Variants in TUBGCP5 observed in about 807,000 individuals in gnomAD.
TUBGCP5 encodes gamma-tubulin complex component 5.
TUBGCP5 carries 98 observed loss-of-function variants against 134.7 expected under a neutral mutation model. The observed-to-expected ratio is 0.73, with a 90% CI of 0.62 to 0.86. TUBGCP5 has a LOEUF of 0.86. Among genes scored for constraint, TUBGCP5 ranks in the 40% least tolerant of loss-of-function variants. The pLI, the probability that TUBGCP5 is intolerant of heterozygous loss-of-function variation, is 0.00. For missense variants in TUBGCP5, 1,150 were observed against 1,244.8 expected (o/e 0.92, Z 1.15); for synonymous variants, 456 against 431.4 (o/e 1.06, Z -0.71).
chr15:23,031,974 G>A lies in TUBGCP5; in HGVS notation c.462C>T (p.Asp154=). 6.2e-7 allele frequency: 1 copy of A among 1,612,378 alleles called. No homozygotes were observed. The highest frequency in any genetic ancestry group is 2.2e-5 in the East Asian group (1 of 44,842). Residue 154 remains aspartate (D), a synonymous_variant, in exon 5 of 23, where the codon GAC becomes GAT. Transcript: ENST00000615383. ...GKYLMEDEEM[D]IGPYMDTPNW... Reference sequence around the variant, plus strand: ...CTGGTGTGTCCATGTACGGACCAATGTCCATTTCTTCATCTTCCATCAAGT... The same window carrying A: ...CTGGTGTGTCCATGTACGGACCAATATCCATTTCTTCATCTTCCATCAAGT...
intron 11 of TUBGCP5, among the ~76,000 whole-genome samples, chr15:23,021,524 G>A (rs1396866615): frequency 6.6e-6 from 1 of 151,946 alleles, no homozygotes; most frequent in Non-Finnish European, 1.5e-5. Flanking sequence ...CATTCATATC[G>A]TTGTGACAAA....
Position 22,986,458 on chromosome 15 carries a change from C to T in TUBGCP5, c.*62-2847G>A, listed in dbSNP as rs555018896. 4.6e-5 allele frequency among the ~76,000 whole-genome samples: 7 copies of T among 152,154 alleles called. No individual in the cohort carries two copies. The South Asian group carries it at 6.2e-4, about 14-fold the overall frequency. The stretch of plus-strand genomic sequence containing the variant: ...CTGGTGACAGAAGTCAGAAATTGGC[C>T]GGGCGTGGTGGTTCACCCCTGTAAT... On this transcript the variant is annotated intron_variant and NMD_transcript_variant, in intron 23 of 23. Transcript: ENST00000614508.
At chr15:23,030,590 C>A (rs1177090303) in intron 6 of TUBGCP5, among the ~76,000 whole-genome samples, 3 of 139,334 alleles carry the variant, frequency 2.2e-5, no homozygotes, top group South Asian at 4.6e-4. Flanking sequence ...CAAAATCAGT[C>A]CTTCTCCAAT....
chr15:23,019,110 G>A lies in TUBGCP5; in HGVS notation c.1487+109C>T, dbSNP rs2065507359. 5.6e-6 allele frequency: 4 copies of A among 715,980 alleles called. No homozygotes were observed. In the South Asian group the frequency reaches 8.7e-5, roughly 16 times the overall value. 44.4% of individuals were successfully genotyped at this position (715,980 alleles called of 1,614,324 possible). ...ATGATGACGACAAGTTCTGTGATGT[G>A]AACTGTGCTTTCTCAGTACTGTCTG... On this transcript the variant is annotated intron_variant, in intron 12 of 22. Transcript: ENST00000615383.
rs576192521 is a variant in TUBGCP5, at chr15:23,021,077, C to T, written c.1371+882G>A. Among the ~76,000 whole-genome samples, 106 of 152,132 alleles carry T rather than the reference C, an allele frequency of 7.0e-4. 1 individual carries two copies. The highest frequency in any genetic ancestry group is 2.3e-3 in the African/African-American group (95 of 41,510). ...CTAATGTTTGTATTTTTAGTAGAGA[C>T]GGGGTTTCACCATGTTGGCCAGGCT... On this transcript the variant is annotated intron_variant, in intron 11 of 22. Transcript: ENST00000615383.
downstream of TUBGCP5, among the ~76,000 whole-genome samples, chr15:22,996,493 C>A (rs2064086467): frequency 6.6e-6 from 1 of 151,982 alleles, no homozygotes; most frequent in African/African-American, 2.4e-5. Context: ...TTTTTATTTT[C>A]TTTAATTTTT....
At position 23,019,300 on chromosome 15, in the gene TUBGCP5, A is replaced by G; in HGVS notation, c.1406T>C (p.Val469Ala). 1 of 1,614,008 alleles carries G rather than the reference A, an allele frequency of 6.2e-7. No homozygotes were observed. Reference sequence around the variant, plus strand: ...GTCCACCGTCTGCAGGTAAGGCCGCACCGTTTCCACCCAGAGAGAGAAAAG... The same window carrying G: ...GTCCACCGTCTGCAGGTAAGGCCGCGCCGTTTCCACCCAGAGAGAGAAAAG... ...SLLFSLWVET[V>A]RPYLQTVDEW... is the part of the protein sequence containing the mutation. Residue 469 changes from valine to alanine, a missense_variant, in exon 12 of 23, where the codon GTG becomes GCG. Transcript: ENST00000615383.
rs1253613105 is a variant in TUBGCP5, at chr15:23,024,761, A to G, written c.897T>C (p.Asn299=). Residue 299 remains asparagine (N), a synonymous_variant, in exon 9 of 23, where the codon AAT becomes AAC. Coordinates refer to ENST00000615383, the MANE Select transcript of TUBGCP5 (RefSeq NM_052903.6). The stretch of plus-strand genomic sequence containing the variant: ...CATGTGTTAAATGAGTTACTATAAT[A>G]TTGTTTCTCACAGTTACCTTCCCAT... The part of the protein sequence containing the change: ...LIDGKVTVRN[N]IIVTHLTHSC... The G allele has an allele frequency of 6.3e-7, 1 of 1,577,840 alleles. No individual in the cohort carries two copies. The highest frequency in any genetic ancestry group is 8.7e-7 in the Non-Finnish European group (1 of 1,152,736).
intron 8 of TUBGCP5, 126 bp downstream of exon 8, chr15:23,025,990 C>T: frequency 1.5e-6 from 1 of 668,844 alleles, no homozygotes; most frequent in Admixed American, 3.3e-5. Flanking sequence ...CTGGTCCGAA[C>T]TTCACACCTA....
chr15:23,033,040 A>C (rs530050106), intron 3 of TUBGCP5, among the ~76,000 whole-genome samples: 2 of 152,304 alleles, frequency 1.3e-5, no homozygotes, highest in Admixed American at 1.3e-4. Flanking sequence ...TCTGAGTTCT[A>C]TATTTCTAAC....
intron 7 of TUBGCP5, 64 bp downstream of exon 7, chr15:23,027,128 G>T: frequency 1.6e-6 from 2 of 1,241,802 alleles, no homozygotes; most frequent in Non-Finnish European, 2.3e-6. Flanking sequence ...ACAAATCAAA[G>T]CCAAACGTTT....
At chr15:23,039,265 C>G (rs1019188332) in intron 1 of TUBGCP5, 133 bp downstream of exon 1, 1 of 1,061,410 alleles carries the variant, frequency 9.4e-7, no homozygotes, top group Non-Finnish European at 1.2e-6. Flanking sequence ...GCAGGGCCTG[C>G]GAAGGCTCCC....
intron 5 of TUBGCP5, among the ~76,000 whole-genome samples, chr15:23,031,596 T>C (rs930795441): frequency 9.2e-5 from 14 of 152,032 alleles, no homozygotes; most frequent in African/African-American, 3.4e-4. Context: ...GGGATTACAG[T>C]TGTGAGCCAC....
At chr15:23,022,510 T>C (rs2065762237) in intron 10 of TUBGCP5, among the ~76,000 whole-genome samples, 1 of 152,222 alleles carries the variant, frequency 6.6e-6, no homozygotes, top group Admixed American at 6.5e-5. Context: ...AATGGGCTAA[T>C]GTTACAGAGA....
rs1292762030 is a variant in TUBGCP5 at position 23,039,029 on chromosome 15, AT to A, written c.146+368del. 4.2e-3 allele frequency among the ~76,000 whole-genome samples: 534 copies of A among 128,412 alleles called. 3 individuals carry two copies. Among genetic ancestry groups the A allele is most frequent in the African/African-American group, 0.015 (500 of 33,882 alleles). The allele number at this position is 128,412 out of a possible 152,430, so 84.2% of individuals were successfully genotyped here. A position where few individuals can be genotyped will look rare whatever the true frequency, so the allele number is the denominator to read the frequency against. On this transcript the variant is annotated intron_variant, in intron 1 of 22. Coordinates refer to ENST00000615383, the MANE Select transcript of TUBGCP5 (RefSeq NM_052903.6). ...AGTCAGTGAGAATACAATCTCTTTAATTTAAAAAAAAAAAAAATTATAAACA... is the reference window on the plus strand; with the variant it reads ...AGTCAGTGAGAATACAATCTCTTTAATTAAAAAAAAAAAAAATTATAAACA...
chr15:23,031,566 C>T (rs553077164), intron 5 of TUBGCP5, among the ~76,000 whole-genome samples: 1 of 152,160 alleles, frequency 6.6e-6, no homozygotes, highest in South Asian at 2.1e-4. Flanking sequence ...GATCCGCCTA[C>T]CTCAGCCTCC....
intron 23 of TUBGCP5, among the ~76,000 whole-genome samples, chr15:22,989,879 T>C (rs1221567116): frequency 6.6e-6 from 1 of 152,166 alleles, no homozygotes; most frequent in Non-Finnish European, 1.5e-5. Flanking sequence ...CATCACAGCC[T>C]CCTAACTTCA....
At chr15:22,988,706 A>C (rs2140341187) in intron 23 of TUBGCP5, among the ~76,000 whole-genome samples, 1 of 148,404 alleles carries the variant, frequency 6.7e-6, no homozygotes, top group Non-Finnish European at 1.5e-5. Context: ...ACTGCACTCC[A>C]GCCTGGACGA....
intron 16 of TUBGCP5, among the ~76,000 whole-genome samples, chr15:23,008,214 T>A (rs17137281): frequency 0.038 from 5,754 of 152,112 alleles, 372 homozygotes; most frequent in African/African-American, 0.13. Context: ...TATGGTGGCA[T>A]CTCAACGTCT....
Sources: gnomAD v4.1 joint callset for allele counts (sites outside exome capture counted in the v4.1 genomes callset) on GRCh38, gnomAD v4.1.1 for gene constraint, MANE v1.5 for transcripts, NCBI Gene and HGNC (gene_info 2026-07-23, HGNC 2026-07-21) for gene names.